PRAG1: variants seen among roughly 807,000 people sequenced by gnomAD.
The protein encoded by PRAG1 is PEAK1 related, kinase-activating pseudokinase 1.
PRAG1 carries 110 observed loss-of-function variants against 95.6 expected under a neutral mutation model. That is an observed-to-expected ratio of 1.15 (90% CI 0.99 to 1.35). The LOEUF is 1.35. Ranked by LOEUF, PRAG1 falls within the 40% of genes most tolerant of loss-of-function variation. The pLI, the probability that PRAG1 is intolerant of heterozygous loss-of-function variation, is 0.00. For missense variants in PRAG1, 2,554 were observed against 1,864.7 expected (o/e 1.37, Z -6.81); for synonymous variants, 1,052 against 819.4 (o/e 1.28, Z -4.85).
chr8:8,376,153 G>A, intron 3 of PRAG1, 94 bp downstream of exon 3: 1 of 1,497,268 alleles, frequency 6.7e-7, no homozygotes, highest in Non-Finnish European at 8.9e-7. Flanking sequence ...CAGATTCTGG[G>A]ACCTGGGCCT....
In PRAG1 at chr8:8,328,254, G is replaced by T; in HGVS notation, c.2528C>A (p.Ala843Glu). The change falls in exon 5 of 6, where the codon GCA (alanine) becomes GAA (glutamate). Residue 843 changes from alanine (A) to glutamate (E), a missense_variant. Coordinates refer to ENST00000615670, the MANE Select transcript of PRAG1 (RefSeq NM_001080826.3). ...WTQGSPKPGT[A>E]SPKLNLSHSE... is the part of the protein sequence containing the mutation. ...GTGGCTTAGGTTCAGCTTGGGGCTTGCTGTTCCGGGCTTGGGGGAGCCTTG... is the reference window on the plus strand; with the variant it reads ...GTGGCTTAGGTTCAGCTTGGGGCTTTCTGTTCCGGGCTTGGGGGAGCCTTG... The T allele has an allele frequency of 1.2e-6, 2 of 1,614,208 alleles. No individual in the cohort carries two copies. Among genetic ancestry groups the T allele is most frequent in the Non-Finnish European group, 1.7e-6 (2 of 1,180,036 alleles).
intron 4 of PRAG1, among the ~76,000 whole-genome samples, chr8:8,334,503 C>T (rs528420315): frequency 1.3e-4 from 19 of 151,448 alleles, no homozygotes; most frequent in Non-Finnish European, 1.9e-4. Context: ...TGTTCTGAAA[C>T]TGGAAGCAGG....
chr8:8,356,555 C>G (rs1303174030), intron 3 of PRAG1, among the ~76,000 whole-genome samples: 1 of 152,028 alleles, frequency 6.6e-6, no homozygotes, highest in African/African-American at 2.4e-5. Context: ...ATTATGTTTC[C>G]CAGACTGGGC....
chr8:8,359,022 G>T (rs952669006), intron 3 of PRAG1, among the ~76,000 whole-genome samples: 3 of 152,168 alleles, frequency 2.0e-5, no homozygotes, highest in African/African-American at 7.2e-5. Flanking sequence ...TATATAAAAT[G>T]CTTATCCTTT....
intron 3 of PRAG1, among the ~76,000 whole-genome samples, chr8:8,370,254 C>G (rs541132259): frequency 1.3e-4 from 20 of 152,348 alleles, no homozygotes; most frequent in African/African-American, 4.8e-4. Context: ...CATCCCCACA[C>G]TTATGGAAAC....
chr8:8,343,920 T>C (rs1799250940), intron 3 of PRAG1, among the ~76,000 whole-genome samples: 1 of 152,086 alleles, frequency 6.6e-6, no homozygotes, highest in South Asian at 2.1e-4. Context: ...TTAAAAAATG[T>C]AAAATAAATG....
chr8:8,361,634 A>G (rs1368849360), intron 3 of PRAG1, among the ~76,000 whole-genome samples: 2 of 152,214 alleles, frequency 1.3e-5, no homozygotes, highest in Non-Finnish European at 2.9e-5. Flanking sequence ...ATGCAGGAAA[A>G]TTGGAGTATT....
intron 3 of PRAG1, among the ~76,000 whole-genome samples, chr8:8,375,703 A>C (rs905890357): frequency 1.3e-5 from 2 of 152,118 alleles, no homozygotes; most frequent in Non-Finnish European, 2.9e-5. Context: ...TTATTTAAAG[A>C]AAATAGAGAC....
chr8:8,381,574 C>T lies in PRAG1; in HGVS notation c.174G>A (p.Pro58=), dbSNP rs1207285926. The change falls in exon 2 of 6, where the codon CCG becomes CCA. Residue 58 remains proline (P), a synonymous_variant. Transcript: ENST00000615670. The stretch of plus-strand genomic sequence containing the variant: ...AGTTCTCAGGCCTGGGAGGCAGGCG[C>T]GGTGGAGGGGGCAGGCTGCCCGCTC... ...QPRAGSLPPP[P]RLPPRPENCR... 4.3e-6 allele frequency: 7 copies of T among 1,614,038 alleles called. No individual in the cohort carries two copies. Among genetic ancestry groups the T allele is most frequent in the Middle Eastern group, 1.6e-4 (1 of 6,084 alleles).
intron 1 of PRAG1, among the ~76,000 whole-genome samples, chr8:8,385,458 G>A (rs1800816113): frequency 6.6e-6 from 1 of 152,164 alleles, no homozygotes; most frequent in African/African-American, 2.4e-5. Flanking sequence ...AAATAACTGC[G>A]GAATTCCCTA....
At chr8:8,355,204 A>C (rs1799645487) in intron 3 of PRAG1, among the ~76,000 whole-genome samples, 1 of 152,196 alleles carries the variant, frequency 6.6e-6, no homozygotes, top group Non-Finnish European at 1.5e-5. Context: ...AAATTTAAAC[A>C]ATGAGGTGAA....
intron 3 of PRAG1, among the ~76,000 whole-genome samples, chr8:8,372,556 G>A (rs767775717): frequency 2.0e-5 from 3 of 152,184 alleles, no homozygotes; most frequent in African/African-American, 4.8e-5. Context: ...AGGCCTTGCC[G>A]TACCCGCCTG....
At position 8,381,779 on chromosome 8, in the gene PRAG1, G is replaced by C. The variant is rs371636335; in HGVS notation, c.-32C>G. On this transcript the variant is annotated 5_prime_UTR_variant, in exon 2 of 6. Coordinates refer to ENST00000615670, the MANE Select transcript of PRAG1 (RefSeq NM_001080826.3). ...CCGACAGGGTGCTGGTTCATCTTGC[G>C]CCCGGCTCTCTGGTGCAGTTTTGTG... 6.6e-7 allele frequency: 1 copy of C among 1,518,376 alleles called. No homozygotes were observed. The highest frequency in any genetic ancestry group is 2.0e-5 in the Admixed American group (1 of 49,704). 94.1% of individuals were successfully genotyped at this position (1,518,376 alleles called of 1,614,324 possible). A position where few individuals can be genotyped will look rare whatever the true frequency, so the allele number is the denominator to read the frequency against.
At position 8,328,402 on chromosome 8, in the gene PRAG1, C is replaced by T. The variant is rs202114232; in HGVS notation, c.2380G>A (p.Val794Ile). Reference protein sequence around the residue: ...TNSGKKLFAPVPFPSGSTEDV... With the variant: ...TNSGKKLFAPIPFPSGSTEDV... ...TCAGTGGAGCCTGAAGGAAACGGAA[C>T]GGGAGCAAAGAGCTTCTTCCCGCTG... Residue 794 changes from valine (V) to isoleucine (I), a missense_variant, in exon 5 of 6, where the codon GTT (valine) becomes ATT (isoleucine). Val to Ile is a conservative substitution (Grantham distance 29). Transcript: ENST00000615670. The T allele has an allele frequency of 3.5e-4, 560 of 1,613,676 alleles. 4 individuals carry two copies. The South Asian group carries it at 4.4e-3, about 13-fold the overall frequency.
In PRAG1 at chr8:8,376,414, A is replaced by G. The variant is rs757124924; in HGVS notation, c.1995T>C (p.His665=). The G allele has an allele frequency of 6.2e-7, 1 of 1,614,130 alleles. No homozygotes were observed. The highest frequency in any genetic ancestry group is 8.5e-7 in the Non-Finnish European group (1 of 1,180,018). Residue 665 remains histidine (H), a synonymous_variant, in exon 3 of 6, where the codon CAT becomes CAC. Transcript: ENST00000615670. ...GACGGTGCCAGGTCGTGGAGTTTGA[A>G]TGGTCCGTGGGGCCATTTTTGGTCT... is the stretch of plus-strand genomic sequence containing the variant. ...GRETKNGPTD[H]SNSTTWHRLH...
At chr8:8,352,399 G>C (rs1799552229) in intron 3 of PRAG1, among the ~76,000 whole-genome samples, 1 of 152,172 alleles carries the variant, frequency 6.6e-6, no homozygotes, top group Non-Finnish European at 1.5e-5. Context: ...TGCTTCTCCA[G>C]GAAAAAGTCC....
intron 3 of PRAG1, among the ~76,000 whole-genome samples, chr8:8,346,434 A>G (rs1009499314): frequency 3.9e-5 from 6 of 152,222 alleles, no homozygotes; most frequent in African/African-American, 1.2e-4. Context: ...TGAAAGGTAC[A>G]GGCCAGTGGC....
In PRAG1 at chr8:8,318,793, G is replaced by C; in HGVS notation, c.3582C>G (p.Pro1194=). ...CTTCCGGGGAGGCGGGGCCGGCTGCGGGGCTGAGAGTGCCACCAGCAGGCG... is the reference window on the plus strand; with the variant it reads ...CTTCCGGGGAGGCGGGGCCGGCTGCCGGGCTGAGAGTGCCACCAGCAGGCG... ...AAPPAGGTLS[P]AAGPASPEGP... is the part of the protein sequence containing the mutation. The change falls in exon 6 of 6, where the codon CCC becomes CCG. Residue 1194 remains proline, a synonymous_variant. Coordinates refer to ENST00000615670, the MANE Select transcript of PRAG1 (RefSeq NM_001080826.3). This position sits in a 1 kb window ranked among gnomAD's most constrained non-coding sequence, Gnocchi z 4.2. The C allele has an allele frequency of 2.0e-6, 3 of 1,507,388 alleles. No homozygotes were observed. The highest frequency in any genetic ancestry group is 2.5e-5 in the South Asian group (2 of 78,604). The allele number at this position is 1,507,388 out of a possible 1,614,324, so 93.4% of individuals were successfully genotyped here.
intron 3 of PRAG1, among the ~76,000 whole-genome samples, chr8:8,370,597 C>A (rs1015115546): frequency 2.0e-5 from 3 of 152,200 alleles, no homozygotes; most frequent in African/African-American, 7.2e-5. Context: ...TCCATTATAG[C>A]AGAAAGGGCC....
Sources: allele counts gnomAD v4.1 joint callset (sites outside exome capture counted in the v4.1 genomes callset), GRCh38; gene constraint gnomAD v4.1.1; non-coding constraint Gnocchi (gnomAD v3.1); transcripts MANE v1.5; gene names NCBI Gene and HGNC (gene_info 2026-07-23, HGNC 2026-07-21).